Variants in SLC38A4 observed in about 807,000 individuals in gnomAD.
SLC38A4 encodes the protein solute carrier family 38 member 4.
SLC38A4 carries 20 observed loss-of-function variants against 63.1 expected under a neutral mutation model. The observed-to-expected ratio is 0.32, with a 90% CI of 0.22 to 0.46. The LOEUF (loss-of-function observed/expected upper bound fraction) is 0.46. Ranked by LOEUF, SLC38A4 falls within the 20% of genes least tolerant of loss-of-function variation. The probability of loss-of-function intolerance (pLI) is 1.00; values close to 1 mark genes in which losing one functional copy is unlikely to be tolerated. For missense variants in SLC38A4, 526 were observed against 663.6 expected (o/e 0.79, Z 2.28); for synonymous variants, 230 against 225.5 (o/e 1.02, Z -0.18).
chr12:46,799,416 A>C (rs532156909), intron 2 of SLC38A4, among the ~76,000 whole-genome samples: 5 of 152,244 alleles, frequency 3.3e-5, no homozygotes, highest in African/African-American at 1.2e-4. Flanking sequence ...AGCCTGCCCA[A>C]CATGGCAAAG....
At chr12:46,797,142 C>T (rs1939026069) in intron 2 of SLC38A4, among the ~76,000 whole-genome samples, 1 of 152,128 alleles carries the variant, frequency 6.6e-6, no homozygotes, top group Admixed American at 6.6e-5. Context: ...TTCCAGTCCA[C>T]TCCCAAGACT....
intron 2 of SLC38A4, among the ~76,000 whole-genome samples, chr12:46,796,723 G>C (rs1939015143): frequency 6.8e-6 from 1 of 146,098 alleles, no homozygotes; most frequent in South Asian, 2.2e-4. Context: ...GTCTGCAGTA[G>C]AGGCCCTAAT....
chr12:46,800,853 T>G (rs1227552271), intron 2 of SLC38A4, among the ~76,000 whole-genome samples: 3 of 152,138 alleles, frequency 2.0e-5, no homozygotes, highest in Non-Finnish European at 4.4e-5. Flanking sequence ...GAGGTATGCT[T>G]TTTGATTATA....
chr12:46,829,764 G>C (rs536410578), upstream of SLC38A4, among the ~76,000 whole-genome samples: 1 of 152,206 alleles, frequency 6.6e-6, no homozygotes, highest in Non-Finnish European at 1.5e-5. Flanking sequence ...CAGGTCCTTA[G>C]AAGTCACCTG....
intron 5 of SLC38A4, among the ~76,000 whole-genome samples, chr12:46,785,738 CTTTTTTTTT>C (rs11335369): frequency 3.1e-4 from 21 of 66,930 alleles, no homozygotes; most frequent in Admixed American, 3.1e-3. Flanking sequence ...ACGAAAATTC[CTTTTTTTTT>C]TTTTTTTTTT....
chr12:46,766,369 G>T lies in SLC38A4; in HGVS notation c.*332C>A. ...GGGGGTGCAGGATGAGGAGACGGCA[G>T]GGGAAAGAGTACTATCTGATGATTG... is the stretch of plus-strand genomic sequence containing the variant. On this transcript the variant is annotated 3_prime_UTR_variant, in exon 17 of 17. Coordinates refer to ENST00000266579, the MANE Select transcript of SLC38A4 (RefSeq NM_018018.5). The T allele has an allele frequency of 2.1e-6, 1 of 471,192 alleles. No homozygotes were observed. The highest frequency in any genetic ancestry group is 2.0e-5 in the African/African-American group (1 of 50,884). The allele number at this position is 471,192 out of a possible 1,614,324, so 29.2% of individuals were successfully genotyped here. A position where few individuals can be genotyped will look rare whatever the true frequency, so the allele number is the denominator to read the frequency against.
intron 1 of SLC38A4, among the ~76,000 whole-genome samples, chr12:46,818,235 T>C (rs1333893484): frequency 1.3e-5 from 2 of 151,882 alleles, no homozygotes; most frequent in African/African-American, 4.8e-5. Context: ...AAACTATTGG[T>C]AGGTTACAGG....
intron 7 of SLC38A4, among the ~76,000 whole-genome samples, chr12:46,780,534 A>T (rs1299369117): frequency 6.6e-6 from 1 of 151,950 alleles, no homozygotes; most frequent in Non-Finnish European, 1.5e-5. Flanking sequence ...TTATTGTCAG[A>T]ACCAAAGGCT....
chr12:46,776,194 G>A (rs1306313354), intron 13 of SLC38A4, among the ~76,000 whole-genome samples: 1 of 151,954 alleles, frequency 6.6e-6, no homozygotes, highest in East Asian at 1.9e-4. Flanking sequence ...GTAAACATAT[G>A]CTACCAGGTC....
At chr12:46,820,260 A>G (rs1439971046) in intron 1 of SLC38A4, among the ~76,000 whole-genome samples, 4 of 152,018 alleles carry the variant, frequency 2.6e-5, no homozygotes, top group African/African-American at 4.8e-5. Context: ...GCATTATGCT[A>G]TACAGCAGAT....
At chr12:46,769,829 A>T (rs1938379034) in intron 14 of SLC38A4, among the ~76,000 whole-genome samples, 2 of 152,146 alleles carry the variant, frequency 1.3e-5, no homozygotes, top group South Asian at 4.1e-4. Context: ...GTACTAGGCT[A>T]TGCCATATAG....
intron 1 of SLC38A4, among the ~76,000 whole-genome samples, chr12:46,819,308 G>C (rs1939497837): frequency 6.6e-6 from 1 of 150,620 alleles, no homozygotes; most frequent in East Asian, 2.0e-4. Flanking sequence ...GGGAGGGGGA[G>C]AGAGAGAGAG....
intron 16 of SLC38A4, 90 bp from the exon 17 acceptor site, chr12:46,766,892 C>G (rs1938312620): frequency 3.7e-6 from 3 of 813,010 alleles, no homozygotes; most frequent in South Asian, 3.2e-5. Context: ...GCAATCTGAT[C>G]TATATATTGA....
Position 46,775,031 on chromosome 12 carries a change from A to C in SLC38A4, c.1299+18T>G. ...TGGGGTCAAGTAGGTTTCTTTCATC[A>C]AAGTCTTATGTACTTACTGGGAAGA... On this transcript the variant is annotated intron_variant, in intron 14 of 16. Transcript: ENST00000266579. 2 of 1,608,768 alleles carry C rather than the reference A, an allele frequency of 1.2e-6. No homozygotes were observed. The highest frequency in any genetic ancestry group is 1.7e-6 in the Non-Finnish European group (2 of 1,177,430).
At chr12:46,776,761 A>G in intron 13 of SLC38A4, 143 bp downstream of exon 13, 1 of 643,414 alleles carries the variant, frequency 1.6e-6, no homozygotes, top group East Asian at 2.9e-5. Context: ...TCAAGTGACA[A>G]AACTAAAATA....
chr12:46,773,325 AC>A (rs1196405440), intron 14 of SLC38A4, among the ~76,000 whole-genome samples: 1 of 152,140 alleles, frequency 6.6e-6, no homozygotes, highest in Non-Finnish European at 1.5e-5. Flanking sequence ...GTCACTGTGC[AC>A]ATCACCAAGT....
chr12:46,825,038 A>G (rs1388139377), intron 1 of SLC38A4, among the ~76,000 whole-genome samples: 1 of 147,370 alleles, frequency 6.8e-6, no homozygotes, highest in African/African-American at 2.5e-5. Context: ...TAATATACAA[A>G]GTTTAAATGT....
intron 1 of SLC38A4, chr12:46,824,323 C>T (rs1268788302): frequency 6.6e-6 from 1 of 152,110 alleles, no homozygotes; most frequent in Non-Finnish European, 1.5e-5. Context: ...CTGTCCTGTT[C>T]CTTTTCTCCT....
At chr12:46,829,684 C>A (rs1255467214), upstream of SLC38A4, among the ~76,000 whole-genome samples, 1 of 152,158 alleles carries the variant, frequency 6.6e-6, no homozygotes, top group Non-Finnish European at 1.5e-5. Context: ...TTCAGAGAGT[C>A]CAGCTGCGTG....
Sources: allele counts gnomAD v4.1 joint callset (sites outside exome capture counted in the v4.1 genomes callset), GRCh38; gene constraint gnomAD v4.1.1; transcripts MANE v1.5; gene names NCBI Gene and HGNC (gene_info 2026-07-23, HGNC 2026-07-21).